The following SGMS1 variants were observed in gnomAD, a reference collection of about 807,000 sequenced individuals.
SGMS1 encodes sphingomyelin synthase 1, also known as phosphatidylcholine:ceramide cholinephosphotransferase 1.
In SGMS1, 13 loss-of-function variants were observed where a neutral mutation model predicts 46.2. That is an observed-to-expected ratio of 0.28 (90% CI 0.18 to 0.45). The LOEUF is 0.45. Among genes scored for constraint, SGMS1 ranks in the 20% least tolerant of loss-of-function variants. The pLI, the probability that SGMS1 is intolerant of heterozygous loss-of-function variation, is 1.00. For missense variants in SGMS1, 324 were observed against 519.9 expected, an observed-to-expected ratio of 0.62 and a Z score of 3.66; for synonymous variants, 203 against 187.8, an observed-to-expected ratio of 1.08 and a Z score of -0.66.
intron 5 of SGMS1, among the ~76,000 whole-genome samples, chr10:50,457,646 A>G (rs1339759881): frequency 6.6e-6 from 1 of 152,178 alleles, no homozygotes; most frequent in African/African-American, 2.4e-5. Flanking sequence ...GCTACCACGT[A>G]TAAGTGAGAA....
chr10:50,525,218 ACAT>A (rs1161504932), intron 2 of SGMS1, among the ~76,000 whole-genome samples: 2 of 152,222 alleles, frequency 1.3e-5, no homozygotes, highest in African/African-American at 4.8e-5. Flanking sequence ...TATTGGAGTT[ACAT>A]GTTGGCTCCT....
At chr10:50,498,161 G>C (rs1010873574) in intron 3 of SGMS1, among the ~76,000 whole-genome samples, 4 of 152,102 alleles carry the variant, frequency 2.6e-5, no homozygotes, top group East Asian at 1.9e-4. Flanking sequence ...CACCACCCCT[G>C]CTTTTTCAGC....
Position 50,344,136 on chromosome 10 carries a change from G to C in SGMS1, c.-22C>G, listed in dbSNP as rs1017861879. 4 of 1,576,796 alleles carry C rather than the reference G, an allele frequency of 2.5e-6. No individual in the cohort carries two copies. The African/African-American group carries it at 5.4e-5, about 21-fold the overall frequency. Reference sequence around the variant, plus strand: ...TCATTGTACTGGCAGACAGCAGGCAGTCCCCAGCTCTCTCTTGGCAGGTCA... The same window carrying C: ...TCATTGTACTGGCAGACAGCAGGCACTCCCCAGCTCTCTCTTGGCAGGTCA... On this transcript the variant is annotated 5_prime_UTR_variant, in exon 7 of 11. Transcript: ENST00000361781.
At chr10:50,427,386 G>A (rs865992543) in intron 6 of SGMS1, among the ~76,000 whole-genome samples, 2 of 152,276 alleles carry the variant, frequency 1.3e-5, no homozygotes, top group Non-Finnish European at 2.9e-5. Context: ...GTAACAGAGC[G>A]AGACTCCGTC....
intron 2 of SGMS1, among the ~76,000 whole-genome samples, chr10:50,575,657 T>C (rs1026102325): frequency 2.0e-5 from 3 of 151,212 alleles, no homozygotes; most frequent in South Asian, 2.2e-4. Context: ...GTGATAGATA[T>C]GTTTATTATC....
chr10:50,310,512 C>T (rs1224372789), intron 9 of SGMS1, among the ~76,000 whole-genome samples: 4 of 151,940 alleles, frequency 2.6e-5, no homozygotes, highest in Middle Eastern at 3.4e-3. Context: ...TGGCAGTATG[C>T]CATTTATGTA....
At chr10:50,560,475 A>C (rs554286319) in intron 2 of SGMS1, among the ~76,000 whole-genome samples, 1 of 141,802 alleles carries the variant, frequency 7.1e-6, no homozygotes, top group Non-Finnish European at 1.5e-5. Context: ...TAATACATAT[A>C]TGTAATACAT....
chr10:50,450,721 C>T (rs1476499849), intron 5 of SGMS1, among the ~76,000 whole-genome samples: 5 of 151,582 alleles, frequency 3.3e-5, no homozygotes, highest in East Asian at 3.9e-4. Flanking sequence ...ATTAAAAAAC[C>T]CAGTACAAAA....
intron 6 of SGMS1, among the ~76,000 whole-genome samples, chr10:50,348,345 G>A (rs1041974516): frequency 2.0e-5 from 3 of 152,144 alleles, no homozygotes; most frequent in South Asian, 2.1e-4. Context: ...GAAATAAAGC[G>A]CATTCAAATA....
chr10:50,617,229 G>T (rs1838806926), intron 1 of SGMS1, among the ~76,000 whole-genome samples: 1 of 152,092 alleles, frequency 6.6e-6, no homozygotes, highest in Non-Finnish European at 1.5e-5. Context: ...ACTTAAAATG[G>T]TTAAATGATA....
At chr10:50,327,394 A>G in intron 7 of SGMS1, 72 bp from the exon 8 acceptor site, 2 of 906,510 alleles carry the variant, frequency 2.2e-6, no homozygotes. Context: ...TAATTTTTCA[A>G]TGACTCAATA....
At chr10:50,393,674 T>A (rs1848807114) in intron 6 of SGMS1, among the ~76,000 whole-genome samples, 1 of 152,198 alleles carries the variant, frequency 6.6e-6, no homozygotes, top group African/African-American at 2.4e-5. Context: ...GGCAATGAGT[T>A]CTGAGACCAA....
intron 6 of SGMS1, among the ~76,000 whole-genome samples, chr10:50,378,004 GT>G (rs1425411395): frequency 2.6e-5 from 4 of 152,194 alleles, no homozygotes; most frequent in Non-Finnish European, 5.9e-5. Flanking sequence ...TTAATCACAT[GT>G]TTTGCTTCAA....
At chr10:50,388,952 A>G (rs1157109557) in intron 6 of SGMS1, among the ~76,000 whole-genome samples, 2 of 152,178 alleles carry the variant, frequency 1.3e-5, no homozygotes, top group African/African-American at 4.8e-5. Flanking sequence ...AGGTAATAAA[A>G]TCATACTGTA....
At chr10:50,400,452 T>TGC (rs1848919600) in intron 6 of SGMS1, among the ~76,000 whole-genome samples, 1 of 71,754 alleles carries the variant, frequency 1.4e-5, no homozygotes, top group South Asian at 4.9e-4. Context: ...TATATATATA[T>TGC]AGCTATTTTT....
Position 50,344,181 on chromosome 10 carries a change from G to T in SGMS1, c.-67C>A, listed in dbSNP as rs950749267. On this transcript the variant is annotated 5_prime_UTR_variant, in exon 7 of 11. Coordinates refer to ENST00000361781, the MANE Select transcript of SGMS1 (RefSeq NM_147156.4). ...AGGTCAGCAGTCACTGTTCCGACAGGGCAGGACACTGTCCTGCCTCGGCTC... is the reference window on the plus strand; with the variant it reads ...AGGTCAGCAGTCACTGTTCCGACAGTGCAGGACACTGTCCTGCCTCGGCTC... The T allele has an allele frequency of 6.9e-5, 104 of 1,516,648 alleles. No individual in the cohort carries two copies. In the Admixed American group the frequency reaches 2.1e-3, roughly 31 times the overall value. 93.9% of individuals were successfully genotyped at this position (1,516,648 alleles called of 1,614,324 possible).
At chr10:50,574,863 A>G (rs941488202) in intron 2 of SGMS1, among the ~76,000 whole-genome samples, 3 of 151,444 alleles carry the variant, frequency 2.0e-5, no homozygotes, top group African/African-American at 7.3e-5. Context: ...ATCTGATCAC[A>G]CCACATCATA....
At chr10:50,457,788 T>C (rs1301833816) in intron 5 of SGMS1, among the ~76,000 whole-genome samples, 1 of 152,226 alleles carries the variant, frequency 6.6e-6, no homozygotes, top group Non-Finnish European at 1.5e-5. Context: ...ATTTTCTATG[T>C]AGAATCAGGA....
intron 6 of SGMS1, among the ~76,000 whole-genome samples, chr10:50,407,124 AGGCCCAGT>A (rs1223002875): frequency 6.6e-6 from 1 of 152,220 alleles, no homozygotes; most frequent in East Asian, 1.9e-4. Context: ...TTTCTGCAGT[AGGCCCAGT>A]GGCAACGTGC....
Sources: allele counts gnomAD v4.1 joint callset (sites outside exome capture counted in the v4.1 genomes callset), GRCh38; gene constraint gnomAD v4.1.1; transcripts MANE v1.5; gene names NCBI Gene and HGNC (gene_info 2026-07-23, HGNC 2026-07-21).